WDFY2: variants seen among roughly 807,000 people sequenced by gnomAD.
The protein encoded by WDFY2 is WD repeat and FYVE domain-containing protein 2.
WDFY2 carries 36 observed loss-of-function variants against 56.4 expected under a neutral mutation model. That is an observed-to-expected ratio of 0.64 (90% CI 0.49 to 0.84). The LOEUF is 0.84. WDFY2 is among the 40% of genes least tolerant of loss of function. WDFY2 has a pLI of 0.00. For synonymous variants in WDFY2, 176 were observed against 183.7 expected (o/e 0.96, Z 0.34); for missense variants, 444 against 512.2 (o/e 0.87, Z 1.29).
At chr13:51,695,619 C>CTCGGGGG (rs1378888797) in intron 3 of WDFY2, among the ~76,000 whole-genome samples, 1 of 152,206 alleles carries the variant, frequency 6.6e-6, no homozygotes, top group Non-Finnish European at 1.5e-5. Context: ...AGTTAGGCTG[C>CTCGGGGG]TCGGGGGTCA....
intron 1 of WDFY2, among the ~76,000 whole-genome samples, chr13:51,601,433 A>T (rs1396391356): frequency 2.9e-5 from 4 of 138,420 alleles, no homozygotes; most frequent in Admixed American, 1.5e-4. Flanking sequence ...TTTTTTTTTT[A>T]GACATAGTTT....
chr13:51,683,489 C>T (rs1956011267), intron 3 of WDFY2, among the ~76,000 whole-genome samples: 1 of 152,214 alleles, frequency 6.6e-6, no homozygotes, highest in African/African-American at 2.4e-5. Context: ...AGGTTTCAAG[C>T]CCAGATGGGC....
chr13:51,688,804 A>C (rs939743441), intron 3 of WDFY2, among the ~76,000 whole-genome samples: 1 of 152,172 alleles, frequency 6.6e-6, no homozygotes, highest in Non-Finnish European at 1.5e-5. Flanking sequence ...ATTTTCTCAA[A>C]AGTTTTGAGC....
chr13:51,635,244 AG>A (rs1418631976), intron 1 of WDFY2, among the ~76,000 whole-genome samples: 8 of 152,172 alleles, frequency 5.3e-5, no homozygotes, highest in Admixed American at 2.0e-4. Flanking sequence ...CACCCCCGGC[AG>A]GAAGTCCTAA....
At chr13:51,726,694 T>G (rs1399000031) in intron 5 of WDFY2, among the ~76,000 whole-genome samples, 6 of 152,246 alleles carry the variant, frequency 3.9e-5, no homozygotes, top group African/African-American at 1.4e-4. Context: ...CCAGACACTA[T>G]GCCAACTTCG....
chr13:51,717,584 A>G (rs1390912182), intron 4 of WDFY2, among the ~76,000 whole-genome samples: 1 of 152,046 alleles, frequency 6.6e-6, no homozygotes. Context: ...GTTAGGGGCC[A>G]CTTTCTGCTT....
Position 51,765,358 on chromosome 13 carries a change from T to G in WDFY2, c.*5589T>G, listed in dbSNP as rs1953715048. 6.6e-6 allele frequency: 1 copy of G among 152,184 alleles called. No homozygotes were observed. The highest frequency in any genetic ancestry group is 1.5e-5 in the Non-Finnish European group (1 of 68,040). 9.4% of individuals were successfully genotyped at this position (152,184 alleles called of 1,614,324 possible). The stretch of plus-strand genomic sequence containing the variant: ...ATCTCCTTTCCACCAAGAAGCCTAC[T>G]TAGGTTTAACACATGAAAGCAGTGT... On this transcript the variant is annotated 3_prime_UTR_variant, in exon 12 of 12. Coordinates refer to ENST00000298125, the MANE Select transcript of WDFY2 (RefSeq NM_052950.4).
rs777850362 is a variant in WDFY2 at position 51,756,391 on chromosome 13, C to T, written c.993C>T (p.Ser331=). 6.2e-7 allele frequency: 1 copy of T among 1,614,146 alleles called. No homozygotes were observed. Among genetic ancestry groups the T allele is most frequent in the Admixed American group, 1.7e-5 (1 of 60,008 alleles). The part of the protein sequence containing the change: ...VCGKCSSKRS[S]IPLMGFEFEV... The stretch of plus-strand genomic sequence containing the variant: ...GCAAGTGCAGCTCCAAGCGCTCCTC[C>T]ATCCCCCTGATGGGCTTCGAGTTTG... The change falls in exon 10 of 12, where the codon TCC becomes TCT. Residue 331 remains serine, a synonymous_variant. Coordinates refer to ENST00000298125, the MANE Select transcript of WDFY2 (RefSeq NM_052950.4).
chr13:51,666,984 G>A (rs1320213187), intron 2 of WDFY2, among the ~76,000 whole-genome samples: 1 of 152,162 alleles, frequency 6.6e-6, no homozygotes, highest in African/African-American at 2.4e-5. Flanking sequence ...GTGGGAAACT[G>A]GAATTTGATT....
intron 3 of WDFY2, among the ~76,000 whole-genome samples, chr13:51,682,562 G>A (rs1365336649): frequency 6.6e-6 from 1 of 152,162 alleles, no homozygotes; most frequent in Non-Finnish European, 1.5e-5. Flanking sequence ...CCTGGTATCA[G>A]ACTGCCTCTA....
At chr13:51,623,519 T>TA (rs543601525) in intron 1 of WDFY2, among the ~76,000 whole-genome samples, 260 of 149,918 alleles carry the variant, frequency 1.7e-3, no homozygotes, top group Admixed American at 2.5e-3. Flanking sequence ...AGAGTTCCAT[T>TA]AAAAAAAAAA....
chr13:51,698,979 A>G (rs569345176), intron 3 of WDFY2, among the ~76,000 whole-genome samples: 14 of 152,250 alleles, frequency 9.2e-5, no homozygotes, highest in Non-Finnish European at 5.9e-5. Flanking sequence ...ATAGACAAAA[A>G]GAACCAAAGG....
chr13:51,644,515 A>G (rs896417039), intron 1 of WDFY2, among the ~76,000 whole-genome samples: 1 of 152,252 alleles, frequency 6.6e-6, no homozygotes, highest in South Asian at 2.1e-4. Context: ...GATTAAGAGA[A>G]ATGACCCAAC....
At chr13:51,619,730 G>T (rs772230170) in intron 1 of WDFY2, among the ~76,000 whole-genome samples, 5 of 152,180 alleles carry the variant, frequency 3.3e-5, no homozygotes, top group Non-Finnish European at 5.9e-5. Flanking sequence ...ACCAGAATAG[G>T]TTCAGAATGA....
At chr13:51,629,674 T>G (rs1362040613) in intron 1 of WDFY2, among the ~76,000 whole-genome samples, 1 of 152,136 alleles carries the variant, frequency 6.6e-6, no homozygotes, top group East Asian at 1.9e-4. Context: ...TTTAAAAACC[T>G]CATAAACAAA....
At position 51,584,520 on chromosome 13, in the gene WDFY2, G is replaced by T. The variant is rs548291290; in HGVS notation, c.-168G>T. 1 of 907,784 alleles carries T rather than the reference G, an allele frequency of 1.1e-6. No individual in the cohort carries two copies. Among genetic ancestry groups the T allele is most frequent in the African/African-American group, 1.7e-5 (1 of 58,412 alleles). 56.2% of individuals were successfully genotyped at this position (907,784 alleles called of 1,614,324 possible). A position where few individuals can be genotyped will look rare whatever the true frequency, so the allele number is the denominator to read the frequency against. ...GGTTTTGGTGCCTGAAGCAGGGAGC[G>T]CGGAGTCGTTCCCGAGAGAGGCGGC... On this transcript the variant is annotated 5_prime_UTR_variant, in exon 1 of 12. Transcript: ENST00000298125.
chr13:51,691,015 T>C (rs2138544079), intron 3 of WDFY2, among the ~76,000 whole-genome samples: 1 of 152,388 alleles, frequency 6.6e-6, no homozygotes, highest in East Asian at 1.9e-4. Flanking sequence ...TGTCTGTTCA[T>C]GTCCTTCACC....
intron 1 of WDFY2, chr13:51,590,881 A>G (rs568242974): frequency 1.3e-5 from 2 of 152,172 alleles, no homozygotes. Flanking sequence ...TTTAGTCCTT[A>G]GTAAAAATTA....
intron 6 of WDFY2, among the ~76,000 whole-genome samples, chr13:51,737,132 T>C (rs1952854522): frequency 6.6e-6 from 1 of 152,160 alleles, no homozygotes; most frequent in Non-Finnish European, 1.5e-5. Flanking sequence ...TCTCAGAGAT[T>C]GTCCTTGAGA....
Sources: gnomAD v4.1 joint callset for allele counts (sites outside exome capture counted in the v4.1 genomes callset) on GRCh38, gnomAD v4.1.1 for gene constraint, MANE v1.5 for transcripts, NCBI Gene and HGNC (gene_info 2026-07-23, HGNC 2026-07-21) for gene names.